The following MCU variants were observed in gnomAD, a reference collection of about 807,000 sequenced individuals.
MCU encodes mitochondrial calcium uniporter.
In MCU, 12 loss-of-function variants were observed where a neutral mutation model predicts 45.2. That is an observed-to-expected ratio of 0.27 (90% CI 0.17 to 0.43). MCU has a LOEUF of 0.43. Ranked by LOEUF, MCU falls within the 20% of genes least tolerant of loss-of-function variation. The probability of loss-of-function intolerance (pLI) is 1.00; values close to 1 mark genes in which losing one functional copy is unlikely to be tolerated. For synonymous variants in MCU, 160 were observed against 165.1 expected, an observed-to-expected ratio of 0.97 and a Z score of 0.24; for missense variants, 324 against 436.7, an observed-to-expected ratio of 0.74 and a Z score of 2.30.
At chr10:72,804,798 A>T (rs1225643328) in intron 1 of MCU, among the ~76,000 whole-genome samples, 1 of 152,198 alleles carries the variant, frequency 6.6e-6, no homozygotes, top group Non-Finnish European at 1.5e-5. Flanking sequence ...CTTCTTACTT[A>T]TTGGTTGATT....
chr10:72,839,099 C>T (rs537246227), intron 2 of MCU, among the ~76,000 whole-genome samples: 10 of 152,014 alleles, frequency 6.6e-5, no homozygotes, highest in Non-Finnish European at 1.5e-4. Context: ...AAGCAATTCT[C>T]GTGCCTCAGC....
chr10:72,733,323 G>A (rs1178045593), intron 1 of MCU, among the ~76,000 whole-genome samples: 1 of 152,150 alleles, frequency 6.6e-6, no homozygotes, highest in Non-Finnish European at 1.5e-5. Flanking sequence ...TGGGTGTGGT[G>A]GCACGTGCCT....
chr10:72,754,378 GTTAAGAC>G (rs2132714077), intron 1 of MCU, among the ~76,000 whole-genome samples: 1 of 152,312 alleles, frequency 6.6e-6, no homozygotes, highest in South Asian at 2.1e-4. Flanking sequence ...TAATGGCAAA[GTTAAGAC>G]TTCAGCCAGA....
chr10:72,825,872 CA>C (rs1262564643), intron 1 of MCU, among the ~76,000 whole-genome samples: 1 of 152,176 alleles, frequency 6.6e-6, no homozygotes, highest in Non-Finnish European at 1.5e-5. Flanking sequence ...GTGCATTTTA[CA>C]GATGAGAACT....
chr10:72,829,399 A>G (rs1844845861), intron 1 of MCU, among the ~76,000 whole-genome samples: 1 of 151,966 alleles, frequency 6.6e-6, no homozygotes, highest in Non-Finnish European at 1.5e-5. Flanking sequence ...TAAATAATTA[A>G]CTTTAATCTT....
At chr10:72,782,686 A>G (rs1179744374) in intron 1 of MCU, among the ~76,000 whole-genome samples, 1 of 152,196 alleles carries the variant, frequency 6.6e-6, no homozygotes, top group African/African-American at 2.4e-5. Flanking sequence ...TTAAAAATCA[A>G]ACTGAATTTC....
intron 4 of MCU, among the ~76,000 whole-genome samples, chr10:72,867,560 A>G (rs1298524041): frequency 6.6e-6 from 1 of 152,138 alleles, no homozygotes; most frequent in Non-Finnish European, 1.5e-5. Flanking sequence ...GAGGGTTAAG[A>G]TTATTAGAAT....
intron 4 of MCU, among the ~76,000 whole-genome samples, chr10:72,860,913 A>G (rs1244344816): frequency 6.6e-6 from 1 of 152,196 alleles, no homozygotes; most frequent in Non-Finnish European, 1.5e-5. Context: ...TAAGCATTGT[A>G]ATAAGTATTG....
chr10:72,812,442 A>C (rs1319523385), intron 1 of MCU, among the ~76,000 whole-genome samples: 1 of 152,166 alleles, frequency 6.6e-6, no homozygotes, highest in Non-Finnish European at 1.5e-5. Context: ...CACTGCGCCC[A>C]TACTCCAGAT....
At chr10:72,694,909 C>T (rs1004760177) in intron 1 of MCU, among the ~76,000 whole-genome samples, 1 of 152,188 alleles carries the variant, frequency 6.6e-6, no homozygotes, top group African/African-American at 2.4e-5. Flanking sequence ...CTTCCCCCTT[C>T]TCCATTAGTA....
At chr10:72,693,127 A>G in intron 1 of MCU, 5 of 1,496,822 alleles carry the variant, frequency 3.3e-6, no homozygotes, top group Non-Finnish European at 4.5e-6. Context: ...GCTGGGTTTC[A>G]TTGGCTGGCA....
At chr10:72,776,037 A>G (rs769284901) in intron 1 of MCU, among the ~76,000 whole-genome samples, 19 of 151,926 alleles carry the variant, frequency 1.3e-4, no homozygotes, top group Non-Finnish European at 1.9e-4. Context: ...ATTTGGTGGC[A>G]TGTGCCTGTA....
intron 1 of MCU, among the ~76,000 whole-genome samples, chr10:72,834,135 G>A (rs866275093): frequency 2.0e-5 from 3 of 152,204 alleles, no homozygotes; most frequent in African/African-American, 2.4e-5. Flanking sequence ...ATATGTAAAT[G>A]TGTTTGCATA....
chr10:72,749,126 T>C (rs2132707082), intron 1 of MCU, among the ~76,000 whole-genome samples: 1 of 152,068 alleles, frequency 6.6e-6, no homozygotes, highest in East Asian at 1.9e-4. Flanking sequence ...AAAAAAAATG[T>C]TGTTTTTTTT....
At chr10:72,759,098 G>A (rs1181842936) in intron 1 of MCU, among the ~76,000 whole-genome samples, 1 of 152,140 alleles carries the variant, frequency 6.6e-6, no homozygotes, top group Admixed American at 6.5e-5. Flanking sequence ...GTAGCAGGAC[G>A]AGCCGCAGAC....
At chr10:72,806,967 G>A (rs1048910700) in intron 1 of MCU, among the ~76,000 whole-genome samples, 1 of 152,206 alleles carries the variant, frequency 6.6e-6, no homozygotes, top group African/African-American at 2.4e-5. Flanking sequence ...ACAAAATAAG[G>A]TTGGGAGAGG....
chr10:72,789,297 CTTG>C (rs775561761), intron 1 of MCU, among the ~76,000 whole-genome samples: 12 of 152,046 alleles, frequency 7.9e-5, no homozygotes, highest in African/African-American at 2.2e-4. Context: ...TTAAAGTTTT[CTTG>C]TTGGTGGTGT....
At position 72,810,461 on chromosome 10, in the gene MCU, C is replaced by CTTTTT. The variant is rs751918414; in HGVS notation, c.151-23877_151-23873dup. Among the ~76,000 whole-genome samples, 12 of 73,438 alleles carry CTTTTT rather than the reference C, an allele frequency of 1.6e-4. 1 individual carries two copies. The highest frequency in any genetic ancestry group is 5.1e-4 in the African/African-American group (9 of 17,484). 48.2% of individuals were successfully genotyped at this position (73,438 alleles called of 152,430 possible). On this transcript the variant is annotated intron_variant, in intron 1 of 7. Coordinates refer to ENST00000373053, the MANE Select transcript of MCU (RefSeq NM_138357.3). ...ACATCAGTTAAGACAATTATGTTGCCTTTTTTTTTTTTTTTTTTTTTTTTT... is the reference window on the plus strand; with the variant it reads ...ACATCAGTTAAGACAATTATGTTGCCTTTTTTTTTTTTTTTTTTTTTTTTTTTTTT...
chr10:72,707,762 T>C (rs1047030098), intron 1 of MCU, among the ~76,000 whole-genome samples: 2 of 152,148 alleles, frequency 1.3e-5, no homozygotes, highest in African/African-American at 4.8e-5. Context: ...ACAAGTGACT[T>C]AACCCCTTTG....
Sources: allele counts gnomAD v4.1 joint callset (sites outside exome capture counted in the v4.1 genomes callset), GRCh38; gene constraint gnomAD v4.1.1; transcripts MANE v1.5; gene names NCBI Gene and HGNC (gene_info 2026-07-23, HGNC 2026-07-21).